Variants in RBFOX1 observed in about 807,000 individuals in gnomAD.
RBFOX1 encodes the protein RNA binding protein fox-1 homolog 1.
Under a neutral mutation model 57.7 loss-of-function variants are expected in RBFOX1, and 8 were observed. The observed-to-expected ratio is 0.14, with a 90% CI of 0.08 to 0.25. The LOEUF is 0.25. Among genes scored for constraint, RBFOX1 ranks in the 10% least tolerant of loss-of-function variants. The pLI is 1.00. For missense variants in RBFOX1, 611 were observed against 548.5 expected, an observed-to-expected ratio of 1.11 and a Z score of -1.14; for synonymous variants, 326 against 222.4, an observed-to-expected ratio of 1.47 and a Z score of -4.15.
intron 1 of RBFOX1, among the ~76,000 whole-genome samples, chr16:5,291,491 C>G (rs547318535): frequency 1.3e-5 from 2 of 151,942 alleles, no homozygotes; most frequent in Non-Finnish European, 2.9e-5. Flanking sequence ...TCTGGATCTC[C>G]CTAATGTCAT....
intron 3 of RBFOX1, among the ~76,000 whole-genome samples, chr16:6,894,599 C>T (rs572280313): frequency 5.9e-5 from 9 of 152,284 alleles, no homozygotes; most frequent in South Asian, 4.1e-4. Flanking sequence ...TTGGGGTTCT[C>T]AGTGCAATTT....
At chr16:5,412,156 C>G (rs1367637867) in intron 1 of RBFOX1, among the ~76,000 whole-genome samples, 2 of 151,916 alleles carry the variant, frequency 1.3e-5, no homozygotes, top group Non-Finnish European at 2.9e-5. Flanking sequence ...CGCCCAGGTT[C>G]TGGACCCACA....
intron 4 of RBFOX1, among the ~76,000 whole-genome samples, chr16:7,397,069 C>T (rs1399270337): frequency 6.6e-6 from 1 of 152,188 alleles, no homozygotes; most frequent in East Asian, 1.9e-4. Flanking sequence ...TTAAAGAAAA[C>T]TTAGCACATG....
At chr16:6,087,271 A>G (rs749405853) in intron 1 of RBFOX1, among the ~76,000 whole-genome samples, 78 of 152,250 alleles carry the variant, frequency 5.1e-4, no homozygotes, top group Non-Finnish European at 8.8e-4. Context: ...AAATTGAAAC[A>G]TGATCTGTCT....
chr16:7,279,365 T>G (rs2095499465), intron 4 of RBFOX1, among the ~76,000 whole-genome samples: 1 of 152,184 alleles, frequency 6.6e-6, no homozygotes, highest in Non-Finnish European at 1.5e-5. Flanking sequence ...TTTCACCAGG[T>G]GGTCTCTTTG....
chr16:6,854,116 C>T (rs927168402), intron 3 of RBFOX1, among the ~76,000 whole-genome samples: 4 of 152,148 alleles, frequency 2.6e-5, no homozygotes, highest in Non-Finnish European at 4.4e-5. Flanking sequence ...TACAAAACTC[C>T]ATTGCTCTGT....
intron 4 of RBFOX1, among the ~76,000 whole-genome samples, chr16:7,347,501 G>A (rs1007962509): frequency 1.3e-5 from 2 of 152,094 alleles, no homozygotes; most frequent in Non-Finnish European, 2.9e-5. Flanking sequence ...CATGACACGT[G>A]GGAATCGTGG....
intron 3 of RBFOX1, among the ~76,000 whole-genome samples, chr16:6,691,319 T>G (rs1336439972): frequency 6.6e-6 from 1 of 152,178 alleles, no homozygotes; most frequent in Admixed American, 6.5e-5. Context: ...AAGCCCGTAA[T>G]AAACATAACT....
At position 6,444,289 on chromosome 16, in the gene RBFOX1, C is replaced by T. The variant is rs78514091; in HGVS notation, c.-64+127232C>T. Among the ~76,000 whole-genome samples the T allele has an allele frequency of 1.2e-3, 189 of 152,112 alleles. 5 individuals carry two copies. In the East Asian group the frequency reaches 0.027, roughly 22 times the overall value. On this transcript the variant is annotated intron_variant, in intron 2 of 15. Transcript: ENST00000550418. Reference sequence around the variant, plus strand: ...GGCACAATGCCTGGCACATGGTGGACGCCCAAGGGCTCCAAAAGCCAATGT... The same window carrying T: ...GGCACAATGCCTGGCACATGGTGGATGCCCAAGGGCTCCAAAAGCCAATGT...
At chr16:5,304,869 C>G (rs966498128) in intron 1 of RBFOX1, among the ~76,000 whole-genome samples, 1 of 152,112 alleles carries the variant, frequency 6.6e-6, no homozygotes, top group African/African-American at 2.4e-5. Context: ...GAAATGTTTT[C>G]ATTTGCATTT....
At chr16:6,626,591 C>G (rs1487491165) in intron 2 of RBFOX1, among the ~76,000 whole-genome samples, 3 of 152,110 alleles carry the variant, frequency 2.0e-5, no homozygotes, top group South Asian at 2.1e-4. Context: ...GAAACCCTGT[C>G]TCTACTAAAA....
At chr16:6,671,553 T>C (rs1291140245) in intron 3 of RBFOX1, among the ~76,000 whole-genome samples, 4 of 152,166 alleles carry the variant, frequency 2.6e-5, no homozygotes, top group Non-Finnish European at 5.9e-5. Context: ...AGTTCCTTAG[T>C]CTTTCTGCAT....
chr16:5,672,626 G>C (rs764259607), intron 3 of RBFOX1, among the ~76,000 whole-genome samples: 1 of 152,170 alleles, frequency 6.6e-6, no homozygotes, highest in South Asian at 2.1e-4. Context: ...CCAGGAAAAG[G>C]CAGAGCAGTG....
At chr16:6,108,775 C>G (rs1315608193) in intron 1 of RBFOX1, among the ~76,000 whole-genome samples, 1 of 152,080 alleles carries the variant, frequency 6.6e-6, no homozygotes, top group African/African-American at 2.4e-5. Flanking sequence ...TGGCTTGTGG[C>G]CACATCCCTG....
At chr16:7,183,445 C>T (rs2083125619) in intron 4 of RBFOX1, among the ~76,000 whole-genome samples, 1 of 152,182 alleles carries the variant, frequency 6.6e-6, no homozygotes, top group South Asian at 2.1e-4. Flanking sequence ...TGTTTTATTT[C>T]TCTATTGTTA....
intron 3 of RBFOX1, among the ~76,000 whole-genome samples, chr16:5,770,433 T>G (rs2053939503): frequency 6.6e-6 from 1 of 152,170 alleles, no homozygotes; most frequent in African/African-American, 2.4e-5. Flanking sequence ...GGAGGAACCC[T>G]TGGTTCAGGA....
rs555961843 is a variant in RBFOX1 at position 5,403,692 on chromosome 16, C to T, written c.220-63524C>T. 1.3e-3 allele frequency among the ~76,000 whole-genome samples: 203 copies of T among 152,190 alleles called. 1 individual carries two copies. The highest frequency in any genetic ancestry group is 4.4e-3 in the African/African-American group (182 of 41,538). On this transcript the variant is annotated intron_variant, in intron 1 of 2. Coordinates refer to the RBFOX1 transcript ENST00000585867. ...AGTTCCTGACTTCAGTTGATCTGCCCGCCTCAGCCTCCCGAAGTGCTGGGG... is the reference window on the plus strand; with the variant it reads ...AGTTCCTGACTTCAGTTGATCTGCCTGCCTCAGCCTCCCGAAGTGCTGGGG...
At chr16:7,079,827 A>T (rs531511708) in intron 4 of RBFOX1, among the ~76,000 whole-genome samples, 2 of 151,998 alleles carry the variant, frequency 1.3e-5, no homozygotes, top group East Asian at 3.9e-4. Flanking sequence ...CATGGTTGCT[A>T]GTGGCTGTAG....
At chr16:6,070,986 C>G (rs544642324) in intron 1 of RBFOX1, among the ~76,000 whole-genome samples, 2 of 151,938 alleles carry the variant, frequency 1.3e-5, no homozygotes, top group African/African-American at 4.8e-5. Context: ...TTTTCTATAC[C>G]CTAGTCACTA....
Sources: allele counts gnomAD v4.1 joint callset (sites outside exome capture counted in the v4.1 genomes callset), GRCh38; gene constraint gnomAD v4.1.1; transcripts MANE v1.5; gene names NCBI Gene and HGNC (gene_info 2026-07-23, HGNC 2026-07-21).